CCDC90B: variants seen among roughly 807,000 people sequenced by gnomAD.
CCDC90B encodes the protein coiled-coil domain-containing protein 90B, mitochondrial.
CCDC90B carries 24 observed loss-of-function variants against 37.0 expected under a neutral mutation model. The observed-to-expected ratio is 0.65, with a 90% CI of 0.47 to 0.91. CCDC90B has a LOEUF of 0.91. Among genes scored for constraint, CCDC90B ranks in the 40% least tolerant of loss-of-function variants. The pLI is 0.00. For synonymous variants in CCDC90B, 113 were observed against 101.1 expected (o/e 1.12, Z -0.71); for missense variants, 319 against 299.0 (o/e 1.07, Z -0.49).
At chr11:83,282,008 C>T (rs1340281635) in intron 1 of CCDC90B, among the ~76,000 whole-genome samples, 2 of 142,784 alleles carry the variant, frequency 1.4e-5, no homozygotes, top group East Asian at 4.1e-4. Context: ...CACAGCTTAG[C>T]CTGGCTTACC....
At chr11:83,267,847 G>A (rs545972037) in intron 7 of CCDC90B, among the ~76,000 whole-genome samples, 1 of 152,110 alleles carries the variant, frequency 6.6e-6, no homozygotes, top group South Asian at 2.1e-4. Context: ...AAGTGTTAAG[G>A]GCAGCCAGAA....
chr11:83,262,027 GAGA>G, intron 8 of CCDC90B, 61 bp from the exon 9 acceptor site: 1 of 1,183,398 alleles, frequency 8.5e-7, no homozygotes, highest in Non-Finnish European at 1.2e-6. Flanking sequence ...CAGAGATAAA[GAGA>G]ATAATGTTAT....
At chr11:83,285,263 A>G (rs1865613646) in intron 1 of CCDC90B, 1 of 1,277,814 alleles carries the variant, frequency 7.8e-7, no homozygotes, top group Non-Finnish European at 1.0e-6. Context: ...GACAACAAAA[A>G]CCTAGCCCTA....
In CCDC90B at chr11:83,259,151, G is replaced by C. The variant is rs1863827994; in HGVS notation, c.*2760C>G. ...TTAACAAGTACCTCACATGTGTCTA[G>C]AGGCCTTCTGAGAACTTGTAGTTTA... is the stretch of plus-strand genomic sequence containing the variant. On this transcript the variant is annotated 3_prime_UTR_variant, in exon 9 of 9. Transcript: ENST00000529689. 6.6e-6 allele frequency: 1 copy of C among 152,162 alleles called. No individual in the cohort carries two copies. The highest frequency in any genetic ancestry group is 2.4e-5 in the African/African-American group (1 of 41,438). 9.4% of individuals were successfully genotyped at this position (152,162 alleles called of 1,614,324 possible).
intron 7 of CCDC90B, chr11:83,267,481 A>G (rs1039336628): frequency 6.6e-6 from 1 of 152,212 alleles, no homozygotes; most frequent in Non-Finnish European, 1.5e-5. Flanking sequence ...CCAAGCTTCA[A>G]CAGCTGATAC....
At position 83,274,656 on chromosome 11, in the gene CCDC90B, G is replaced by A. The variant is rs149725315; in HGVS notation, c.409C>T (p.Leu137=). ...VILEKSEFAN[L]RAENEKMKIE... ...TGTATCACCTCATTCTCTGCTCTCA[G>A]ATTTGCAAATTCACTTTTCTCTAGG... Residue 137 remains leucine (L), a synonymous_variant, in exon 4 of 9, where the codon CTG becomes TTG. Coordinates refer to ENST00000529689, the MANE Select transcript of CCDC90B (RefSeq NM_021825.5). 24 of 1,605,056 alleles carry A rather than the reference G, an allele frequency of 1.5e-5. No homozygotes were observed. The African/African-American group carries it at 2.3e-4, about 15-fold the overall frequency.
In CCDC90B at chr11:83,286,236, A is replaced by G; in HGVS notation, c.-264T>C. Reference sequence around the variant, plus strand: ...GACCTTTGAACGCCTTCACCGCCCTAGGAAAGCGAGATCTTGTCAGAGAAC... The same window carrying G: ...GACCTTTGAACGCCTTCACCGCCCTGGGAAAGCGAGATCTTGTCAGAGAAC... On this transcript the variant is annotated 5_prime_UTR_variant, in exon 1 of 9. The change abolishes the stop of an existing upstream ORF in the 5' untranslated region. Transcript: ENST00000529689. 2 of 1,498,678 alleles carry G rather than the reference A, an allele frequency of 1.3e-6. No homozygotes were observed. The highest frequency in any genetic ancestry group is 2.0e-5 in the Admixed American group (1 of 49,992). 92.8% of individuals were successfully genotyped at this position (1,498,678 alleles called of 1,614,324 possible).
intron 3 of CCDC90B, among the ~76,000 whole-genome samples, chr11:83,275,765 C>T (rs1216906332): frequency 6.6e-6 from 1 of 152,072 alleles, no homozygotes; most frequent in African/African-American, 2.4e-5. Flanking sequence ...AGGTTTGAAC[C>T]CAAACTCTGC....
intron 8 of CCDC90B, 47 bp from the exon 9 acceptor site, chr11:83,262,013 T>G (rs1057238111): frequency 7.7e-7 from 1 of 1,305,450 alleles, no homozygotes; most frequent in Non-Finnish European, 1.1e-6. Context: ...CTGTAATTAT[T>G]TTGCAGAGAT....
In CCDC90B at chr11:83,279,049, C is replaced by T. The variant is rs662472; in HGVS notation, c.221-220G>A. ...CTGTAATCCCAGCACTTTGGGAGGC[C>T]GAGGTGGGCAGATCACAAGGTCAGG... is the stretch of plus-strand genomic sequence containing the variant. On this transcript the variant is annotated intron_variant, in intron 2 of 8. Transcript: ENST00000529689. 1.4e-3 allele frequency among the ~76,000 whole-genome samples: 214 copies of T among 151,946 alleles called. 6 individuals are homozygous for T. The highest frequency in any genetic ancestry group is 1.7e-3 in the Admixed American group (26 of 15,256).
intron 4 of CCDC90B, chr11:83,274,260 A>T (rs765843420): frequency 1.3e-4 from 43 of 329,430 alleles, no homozygotes; most frequent in Non-Finnish European, 2.0e-4. Flanking sequence ...ACATAACTTA[A>T]AATTCTGACT....
chr11:83,279,904 G>T (rs1865284194), intron 2 of CCDC90B, among the ~76,000 whole-genome samples: 1 of 149,858 alleles, frequency 6.7e-6, no homozygotes. Context: ...TCACTTAATT[G>T]GAATAATTCT....
At chr11:83,280,307 C>G in intron 1 of CCDC90B, 47 bp from the exon 2 acceptor site, 1 of 1,544,218 alleles carries the variant, frequency 6.5e-7, no homozygotes, top group Non-Finnish European at 8.9e-7. Context: ...TGATAGCTTA[C>G]AAAGCTACTT....
chr11:83,270,330 G>A (rs888468827), intron 7 of CCDC90B, among the ~76,000 whole-genome samples: 1 of 152,062 alleles, frequency 6.6e-6, no homozygotes, highest in African/African-American at 2.4e-5. Context: ...GAAATAAAGG[G>A]TATTCAATTA....
chr11:83,285,157 A>C (rs1197109758), intron 1 of CCDC90B: 1 of 1,278,784 alleles, frequency 7.8e-7, no homozygotes, highest in Admixed American at 2.5e-5. Flanking sequence ...AGGTGAACAG[A>C]GATAAGAGGT....
At chr11:83,265,381 ATGG>A in intron 8 of CCDC90B, among the ~76,000 whole-genome samples, 1 of 152,250 alleles carries the variant, frequency 6.6e-6, no homozygotes, top group African/African-American at 2.4e-5. Flanking sequence ...TCAAATCTTT[ATGG>A]AAGAACATAA....
intron 7 of CCDC90B, among the ~76,000 whole-genome samples, chr11:83,268,840 C>G (rs1008508306): frequency 2.0e-5 from 3 of 152,266 alleles, no homozygotes; most frequent in South Asian, 4.1e-4. Flanking sequence ...TATTCTAAAA[C>G]TGACCACATA....
intron 1 of CCDC90B, among the ~76,000 whole-genome samples, chr11:83,284,438 C>T (rs1043024795): frequency 6.6e-6 from 1 of 152,204 alleles, no homozygotes; most frequent in African/African-American, 2.4e-5. Flanking sequence ...AGTTACTTTT[C>T]TGTCAGGAAT....
chr11:83,270,874 T>C (rs1255593674), intron 7 of CCDC90B, among the ~76,000 whole-genome samples: 2 of 152,138 alleles, frequency 1.3e-5, no homozygotes, highest in East Asian at 1.9e-4. Flanking sequence ...CTTCAAACCA[T>C]ATTACAAGGC....
Sources: allele counts gnomAD v4.1 joint callset (sites outside exome capture counted in the v4.1 genomes callset), GRCh38; gene constraint gnomAD v4.1.1; transcripts MANE v1.5; gene names NCBI Gene and HGNC (gene_info 2026-07-23, HGNC 2026-07-21).